PFKFB3: variants seen among roughly 807,000 people sequenced by gnomAD.
PFKFB3 encodes the protein 6-phosphofructo-2-kinase/fructose-2,6-biphosphatase 3.
Under a neutral mutation model 68.0 loss-of-function variants are expected in PFKFB3, and 33 were observed. The observed-to-expected ratio is 0.49, with a 90% CI of 0.37 to 0.65. PFKFB3 has a LOEUF of 0.65. Among genes scored for constraint, PFKFB3 ranks in the 30% least tolerant of loss-of-function variants. PFKFB3 has a pLI of 0.00. For missense variants in PFKFB3, 586 were observed against 712.2 expected, an observed-to-expected ratio of 0.82 and a Z score of 2.02; for synonymous variants, 315 against 288.2, an observed-to-expected ratio of 1.09 and a Z score of -0.94.
the PFKFB3 span, among the ~76,000 whole-genome samples, chr10:6,271,221 C>T: frequency 1.3e-5 from 2 of 152,240 alleles, no homozygotes; most frequent in South Asian, 2.1e-4. Context: ...AGTAGCCAAG[C>T]TCCTGTGCAT....
chr10:6,154,868 G>A lies in PFKFB3; in HGVS notation c.16+9855G>A, dbSNP rs567058315. Among the ~76,000 whole-genome samples, 11 of 152,314 alleles carry A rather than the reference G, an allele frequency of 7.2e-5. No homozygotes were observed. The East Asian group carries it at 7.7e-4, about 11-fold the overall frequency. On this transcript the variant is annotated intron_variant, in intron 1 of 14. Coordinates refer to the PFKFB3 transcript ENST00000379789. This position sits in a 1 kb window ranked among gnomAD's most constrained non-coding sequence, Gnocchi z 4.6. ...CGAGGCCTGGGTTGTAGTGAGCTGC[G>A]GGGAGCCCGCACTGCCACAGCAGCT... is the stretch of plus-strand genomic sequence containing the variant.
At chr10:6,302,749 TACACACACACAC>T in the PFKFB3 span, among the ~76,000 whole-genome samples, 1 of 145,736 alleles carries the variant, frequency 6.9e-6, no homozygotes, top group Non-Finnish European at 1.5e-5. Flanking sequence ...TGTGTGTGTA[TACACACACACAC>T]ACACACACAC....
At chr10:6,247,418 CT>C in intron 14 of PFKFB3, among the ~76,000 whole-genome samples, 1 of 152,332 alleles carries the variant, frequency 6.6e-6, no homozygotes, top group Non-Finnish European at 1.5e-5. Flanking sequence ...AAATGTAGGC[CT>C]GCAAAAACAA....
chr10:6,268,503 T>C, the PFKFB3 span, among the ~76,000 whole-genome samples: 4 of 151,972 alleles, frequency 2.6e-5, no homozygotes, highest in African/African-American at 9.7e-5. Context: ...CGTGCACCTG[T>C]AATCCCAGCT....
chr10:6,211,206 T>C (rs1588488959), intron 1 of PFKFB3, among the ~76,000 whole-genome samples: 1 of 14,862 alleles, frequency 6.7e-5, no homozygotes. Flanking sequence ...TCTGCTGTCT[T>C]TATTGTTGTT....
intron 1 of PFKFB3, among the ~76,000 whole-genome samples, chr10:6,187,016 A>C (rs634507): frequency 0.45 from 67,565 of 151,326 alleles, 16,217 homozygotes; most frequent in Non-Finnish European, 0.56. Flanking sequence ...TGAAGCTGGC[A>C]GGGGAGACCA....
intron 1 of PFKFB3, among the ~76,000 whole-genome samples, chr10:6,170,367 C>T (rs2081919803): frequency 6.6e-6 from 1 of 152,150 alleles, no homozygotes; most frequent in Non-Finnish European, 1.5e-5. Flanking sequence ...CCCCACCCCT[C>T]CTTTATGTTT....
the PFKFB3 span, among the ~76,000 whole-genome samples, chr10:6,289,667 A>G: frequency 6.6e-6 from 1 of 152,190 alleles, no homozygotes; most frequent in East Asian, 1.9e-4. Context: ...CTTTTGGCTT[A>G]GGATTGACTT....
At chr10:6,240,550 C>T (rs116286077) in intron 14 of PFKFB3, among the ~76,000 whole-genome samples, 1,673 of 152,196 alleles carry the variant, frequency 0.011, 41 homozygotes, top group African/African-American at 0.039. Flanking sequence ...AGACGTGAGC[C>T]GCCGCGCCTG....
the PFKFB3 span, among the ~76,000 whole-genome samples, chr10:6,309,823 G>A: frequency 6.6e-6 from 1 of 151,918 alleles, no homozygotes; most frequent in Non-Finnish European, 1.5e-5. Context: ...ACCGGGTGAT[G>A]GGTACACCAG....
chr10:6,271,195 G>A, the PFKFB3 span, among the ~76,000 whole-genome samples: 163 of 152,350 alleles, frequency 1.1e-3, no homozygotes, highest in African/African-American at 3.8e-3. Context: ...AACACCAGTG[G>A]CCATGCAATT....
chr10:6,226,072 C>A (rs1845327381), intron 13 of PFKFB3, 120 bp from the exon 14 acceptor site: 2 of 887,652 alleles, frequency 2.3e-6, no homozygotes, highest in African/African-American at 1.7e-5. Flanking sequence ...CCCGGCCACT[C>A]CCCTCGGTCA....
At chr10:6,305,148 C>A in the PFKFB3 span, among the ~76,000 whole-genome samples, 1 of 145,068 alleles carries the variant, frequency 6.9e-6, no homozygotes, top group East Asian at 2.0e-4. Flanking sequence ...AAGCGTGAGC[C>A]ACCATCTCTT....
At chr10:6,159,778 T>C (rs911972251) in intron 1 of PFKFB3, among the ~76,000 whole-genome samples, 2 of 151,892 alleles carry the variant, frequency 1.3e-5, no homozygotes, top group African/African-American at 4.8e-5. Flanking sequence ...TTTTTATTTA[T>C]TTACTTATTG....
chr10:6,155,467 G>C (rs1207641081), intron 1 of PFKFB3, among the ~76,000 whole-genome samples: 2 of 152,270 alleles, frequency 1.3e-5, no homozygotes, highest in Non-Finnish European at 2.9e-5. Flanking sequence ...GCCTCCCAAA[G>C]TGCTGGGATT....
chr10:6,149,895 A>T (rs1346515996), intron 1 of PFKFB3: 2 of 152,342 alleles, frequency 1.3e-5, no homozygotes, highest in East Asian at 3.8e-4. Context: ...AATATCCTCC[A>T]GTTCCATCCC....
the PFKFB3 span, among the ~76,000 whole-genome samples, chr10:6,287,925 A>G: frequency 6.6e-6 from 1 of 152,268 alleles, no homozygotes; most frequent in East Asian, 1.9e-4. Flanking sequence ...TTCTCTCTGA[A>G]AAACTTCTTT....
chr10:6,243,778 C>G (rs1402901575), intron 14 of PFKFB3, among the ~76,000 whole-genome samples: 1 of 152,218 alleles, frequency 6.6e-6, no homozygotes, highest in Non-Finnish European at 1.5e-5. Context: ...GGCTGAAGTG[C>G]AGTGGCACGA....
rs180959687 is a variant in PFKFB3 at position 6,220,519 on chromosome 10, A to C, written c.624-139A>C. On this transcript the variant is annotated intron_variant, in intron 7 of 14. Coordinates refer to ENST00000379775, the MANE Select transcript of PFKFB3 (RefSeq NM_004566.4). The surrounding 1 kb of genome is among the most constrained non-coding windows in gnomAD (Gnocchi z 4.1). ...CTTACGCATATGCTCTGCCCCTTAG[A>C]AGGATTCAGTCTGTGCCCTGGAGGG... 230 of 709,876 alleles carry C rather than the reference A, an allele frequency of 3.2e-4. 3 individuals are homozygous for C. In the East Asian group the frequency reaches 4.4e-3, roughly 13 times the overall value. 44.0% of individuals were successfully genotyped at this position (709,876 alleles called of 1,614,324 possible). A position where few individuals can be genotyped will look rare whatever the true frequency, so the allele number is the denominator to read the frequency against.
Sources: allele counts gnomAD v4.1 joint callset (sites outside exome capture counted in the v4.1 genomes callset), GRCh38; gene constraint gnomAD v4.1.1; non-coding constraint Gnocchi (gnomAD v3.1); transcripts MANE v1.5; gene names NCBI Gene and HGNC (gene_info 2026-07-23, HGNC 2026-07-21).